Variants in NAF1 observed in about 807,000 individuals in gnomAD.
The protein encoded by NAF1 is H/ACA ribonucleoprotein complex non-core subunit NAF1.
In NAF1, 11 loss-of-function variants were observed where a neutral mutation model predicts 40.6. The ratio of observed to expected loss-of-function variants is 0.27; its 90% CI spans 0.17 to 0.45. The LOEUF (loss-of-function observed/expected upper bound fraction) is 0.45, where lower values mean the gene tolerates loss of function less well. NAF1 is among the 20% of genes least tolerant of loss of function. The pLI is 1.00. For missense variants in NAF1, 607 were observed against 611.1 expected (o/e 0.99, Z 0.07); for synonymous variants, 260 against 228.5 (o/e 1.14, Z -1.24).
intron 6 of NAF1, 114 bp from the exon 7 acceptor site, chr4:163,133,370 TTG>T: frequency 1.5e-6 from 1 of 689,188 alleles, no homozygotes; most frequent in East Asian, 2.7e-5. Flanking sequence ...CTAAAAAAAG[TTG>T]TCTTTTTGAT....
At chr4:163,163,862 T>C in intron 2 of NAF1, among the ~76,000 whole-genome samples, 1 of 151,976 alleles carries the variant, frequency 6.6e-6, no homozygotes, top group South Asian at 2.1e-4. Flanking sequence ...CAATTGCTAT[T>C]GAAATTTCAA....
intron 2 of NAF1, among the ~76,000 whole-genome samples, chr4:163,154,630 T>C (rs909693767): frequency 1.3e-5 from 2 of 152,036 alleles, no homozygotes; most frequent in Admixed American, 1.3e-4. Context: ...CCCAGCACTT[T>C]GGGAGGCCAA....
At chr4:163,126,579 T>C (rs1730662662), downstream of NAF1, 1 of 152,994 alleles carries the variant, frequency 6.5e-6, no homozygotes, top group South Asian at 2.1e-4. Context: ...AAGCTACTCA[T>C]GGTGAAGACG....
At chr4:163,159,420 G>C (rs528596392) in intron 2 of NAF1, among the ~76,000 whole-genome samples, 1 of 152,154 alleles carries the variant, frequency 6.6e-6, no homozygotes, top group East Asian at 1.9e-4. Flanking sequence ...TATACATATA[G>C]TAATAAAAAC....
At position 163,166,577 on chromosome 4, in the gene NAF1, G is replaced by C. The variant is rs1261961917; in HGVS notation, c.151C>G (p.Pro51Ala). 1.9e-6 allele frequency: 3 copies of C among 1,609,936 alleles called. 1 individual carries two copies. Among genetic ancestry groups the C allele is most frequent in the Non-Finnish European group, 8.5e-7 (1 of 1,178,824 alleles). ...ACCTCCACGGTCTGCCCAGCGTCCG[G>C]GGACCCCTCAAACGACTGTAGCGGC... ...QPPLQSFEGS[P>A]DAGQTVEVKP... Residue 51 changes from proline to alanine, a missense_variant, in exon 1 of 8, where the codon CCG (proline) becomes GCG (alanine). By Grantham distance (27) the Pro-to-Ala change is conservative. This residue lies in a region of NAF1 where 407 missense variants were observed against 365.5 expected (regional missense o/e 1.11). Coordinates refer to ENST00000274054, the MANE Select transcript of NAF1 (RefSeq NM_138386.3).
At chr4:163,133,980 C>T (rs1309688019) in intron 6 of NAF1, among the ~76,000 whole-genome samples, 2 of 152,094 alleles carry the variant, frequency 1.3e-5, no homozygotes, top group African/African-American at 4.8e-5. Flanking sequence ...GCCTGATCAA[C>T]ATGGCAAAGG....
At chr4:163,153,330 T>C (rs1731815151) in intron 2 of NAF1, among the ~76,000 whole-genome samples, 1 of 152,184 alleles carries the variant, frequency 6.6e-6, no homozygotes, top group Non-Finnish European at 1.5e-5. Flanking sequence ...CTGGTGGGGA[T>C]GTGGAGAGTC....
intron 2 of NAF1, among the ~76,000 whole-genome samples, chr4:163,151,726 T>C (rs1481063472): frequency 2.6e-5 from 4 of 152,172 alleles, no homozygotes; most frequent in African/African-American, 9.6e-5. Flanking sequence ...TTAACTGTTC[T>C]CACATATTTA....
downstream of NAF1, among the ~76,000 whole-genome samples, chr4:163,105,156 G>T (rs1184354467): frequency 6.6e-6 from 1 of 152,156 alleles, no homozygotes; most frequent in Non-Finnish European, 1.5e-5. Context: ...TTGGTGCAGA[G>T]GTTAAGATAT....
At chr4:163,152,330 T>G (rs529289831) in intron 2 of NAF1, among the ~76,000 whole-genome samples, 1 of 152,354 alleles carries the variant, frequency 6.6e-6, no homozygotes, top group East Asian at 1.9e-4. Context: ...AGTTGAGCAG[T>G]TCAGTCTACA....
At chr4:163,144,568 A>G (rs113580095) in intron 4 of NAF1, among the ~76,000 whole-genome samples, 211 of 152,282 alleles carry the variant, frequency 1.4e-3, no homozygotes, top group Admixed American at 3.5e-3. Context: ...CTCTACTCCC[A>G]CTACTATTTT....
Position 163,116,052 on chromosome 4 carries a change from C to T in NAF1, c.115-5762G>A, listed in dbSNP as rs548142294. On this transcript the variant is annotated intron_variant, in intron 2 of 2. Transcript: ENST00000509434. ...GATGCAACAGATGCATTCAATTCAA[C>T]AGATTTTAGAAGTCTAAGTTCTTGC... is the stretch of plus-strand genomic sequence containing the variant. Among the ~76,000 whole-genome samples the T allele has an allele frequency of 1.1e-3, 170 of 152,276 alleles. 1 individual carries two copies. Among genetic ancestry groups the T allele is most frequent in the African/African-American group, 3.7e-3 (154 of 41,556 alleles).
At chr4:163,141,114 C>T (rs1428107662) in intron 4 of NAF1, among the ~76,000 whole-genome samples, 1 of 152,076 alleles carries the variant, frequency 6.6e-6, no homozygotes, top group Non-Finnish European at 1.5e-5. Context: ...GCCTGTAATC[C>T]CAGCACTTTA....
At chr4:163,152,804 A>G (rs1217084859) in intron 2 of NAF1, among the ~76,000 whole-genome samples, 2 of 152,234 alleles carry the variant, frequency 1.3e-5, no homozygotes, top group Non-Finnish European at 2.9e-5. Flanking sequence ...TGGGCAGGCC[A>G]AGGCCAGAGC....
intron 2 of NAF1, among the ~76,000 whole-genome samples, chr4:163,160,491 C>A (rs983467286): frequency 1.1e-4 from 17 of 152,012 alleles, no homozygotes; most frequent in African/African-American, 3.6e-4. Context: ...TAGTTCTCAT[C>A]TACCTAAAGA....
chr4:163,165,899 G>C (rs1026047882), intron 1 of NAF1, among the ~76,000 whole-genome samples: 1 of 152,020 alleles, frequency 6.6e-6, no homozygotes, highest in Non-Finnish European at 1.5e-5. Context: ...TAATCATCAA[G>C]AGCCAGCTTT....
intron 4 of NAF1, among the ~76,000 whole-genome samples, chr4:163,145,100 T>C (rs1443965139): frequency 1.3e-5 from 2 of 152,246 alleles, no homozygotes; most frequent in African/African-American, 4.8e-5. Flanking sequence ...ACTTAGTATT[T>C]ACATTCTTGA....
At chr4:163,109,293 G>A (rs140074702), downstream of NAF1, among the ~76,000 whole-genome samples, 363 of 150,050 alleles carry the variant, frequency 2.4e-3, 3 homozygotes, top group African/African-American at 8.2e-3. Flanking sequence ...TTCTATCTTC[G>A]TATTTCTTAT....
At chr4:163,123,691 C>T (rs539859110), downstream of NAF1, among the ~76,000 whole-genome samples, 1 of 152,278 alleles carries the variant, frequency 6.6e-6, no homozygotes, top group African/African-American at 2.4e-5. Flanking sequence ...CCTACAGCTA[C>T]TCACCTTAAT....
Sources: gnomAD v4.1 joint callset for allele counts (sites outside exome capture counted in the v4.1 genomes callset) on GRCh38, gnomAD v4.1.1 for gene constraint, gnomAD v4.1.1 regional missense constraint, MANE v1.5 for transcripts, NCBI Gene and HGNC (gene_info 2026-07-23, HGNC 2026-07-21) for gene names.